The following SLF1 variants were observed in gnomAD, a reference collection of about 807,000 sequenced individuals.
SLF1 encodes the protein SMC5/6 complex localization factor 1, also known as SMC5-SMC6 complex localization factor protein 1.
SLF1 carries 105 observed loss-of-function variants against 123.0 expected under a neutral mutation model. The ratio of observed to expected loss-of-function variants is 0.85; its 90% CI spans 0.73 to 1.00. The LOEUF is 1.00. Ranked by LOEUF, SLF1 falls within the 50% of genes least tolerant of loss-of-function variation. The pLI, the probability that SLF1 is intolerant of heterozygous loss-of-function variation, is 0.00. For synonymous variants in SLF1, 434 were observed against 406.6 expected, an observed-to-expected ratio of 1.07 and a Z score of -0.81; for missense variants, 1,239 against 1,223.0, an observed-to-expected ratio of 1.01 and a Z score of -0.20.
At chr5:94,627,092 T>C (rs1233257694) in intron 1 of SLF1, among the ~76,000 whole-genome samples, 1 of 152,242 alleles carries the variant, frequency 6.6e-6, no homozygotes, top group East Asian at 1.9e-4. Flanking sequence ...ATAGACTCTC[T>C]GTGAAGAACA....
intron 4 of SLF1, 60 bp from the exon 5 acceptor site, chr5:94,643,213 A>G: frequency 7.8e-7 from 1 of 1,285,240 alleles, no homozygotes; most frequent in Non-Finnish European, 1.1e-6. Context: ...TAATTTAGAT[A>G]ATTTGACTAA....
intron 4 of SLF1, among the ~76,000 whole-genome samples, chr5:94,640,670 T>TA (rs201829954): frequency 1.4e-3 from 209 of 152,236 alleles, no homozygotes; most frequent in Non-Finnish European, 7.5e-4. Flanking sequence ...TGTTCTTTTT[T>TA]TAAAAAAAAA....
chr5:94,632,825 T>C (rs1745350000), intron 4 of SLF1, among the ~76,000 whole-genome samples: 1 of 151,872 alleles, frequency 6.6e-6, no homozygotes, highest in South Asian at 2.1e-4. Context: ...CTCAGCCTCC[T>C]GAGTAGCTGG....
At chr5:94,651,584 A>G (rs1747729986) in intron 6 of SLF1, 118 bp from the exon 7 acceptor site, 3 of 686,694 alleles carry the variant, frequency 4.4e-6, no homozygotes, top group Non-Finnish European at 6.8e-6. Flanking sequence ...TTAACCTTGT[A>G]TGTATATTTT....
chr5:94,623,004 T>A (rs1021387506), intron 1 of SLF1, among the ~76,000 whole-genome samples: 3 of 152,328 alleles, frequency 2.0e-5, no homozygotes, highest in South Asian at 2.1e-4. Flanking sequence ...TTTGTATTCA[T>A]ATCTGTATTC....
chr5:94,694,850 G>C lies in SLF1; in HGVS notation c.2715G>C (p.Gln905His). 1.9e-6 allele frequency: 3 copies of C among 1,579,196 alleles called. No homozygotes were observed. Among genetic ancestry groups the C allele is most frequent in the East Asian group, 2.2e-5 (1 of 44,550 alleles). Reference protein sequence around the residue: ...LQHGGPVLLQQRNAKGELPLD... With the variant: ...LQHGGPVLLQHRNAKGELPLD... ...TCACAGGCCCAGTGCTTTTACAACA[G>C]AGGAATGCTAAGGGAGAATTGCCCT... The change falls in exon 21 of 21, where the codon CAG (glutamine) becomes CAC (histidine). Residue 905 changes from glutamine (Q) to histidine (H), a missense_variant. Gln to His is a conservative substitution (Grantham distance 24, BLOSUM62 0). Transcript: ENST00000265140.
chr5:94,674,742 T>C (rs956798988), intron 14 of SLF1, among the ~76,000 whole-genome samples: 1 of 152,216 alleles, frequency 6.6e-6, no homozygotes, highest in Non-Finnish European at 1.5e-5. Context: ...GTGAATTTCA[T>C]TGTCATTAAT....
At chr5:94,631,044 A>T (rs10052066) in intron 4 of SLF1, among the ~76,000 whole-genome samples, 82,288 of 151,984 alleles carry the variant, frequency 0.54, 22,486 homozygotes, top group African/African-American at 0.62. Flanking sequence ...GTTTCTAGTT[A>T]TGAAGCACTT....
intron 4 of SLF1, 21 bp from the exon 5 acceptor site, chr5:94,643,252 A>G (rs1746650277): frequency 6.7e-7 from 1 of 1,482,000 alleles, no homozygotes; most frequent in Admixed American, 2.6e-5. Flanking sequence ...ATACTTTTAT[A>G]CCATTTACAT....
intron 14 of SLF1, among the ~76,000 whole-genome samples, chr5:94,672,939 A>G (rs1750634562): frequency 6.6e-6 from 1 of 152,204 alleles, no homozygotes; most frequent in Admixed American, 6.5e-5. Context: ...TCCCCCAGAA[A>G]GAATTTCTGT....
Position 94,630,671 on chromosome 5 carries a change from C to T in SLF1, c.359C>T (p.Ala120Val). ...CGTGAAGAACTGAAACGCACTGGTGCTCCAGGAGCCTTCCACAGATGGAAA... is the reference window on the plus strand; with the variant it reads ...CGTGAAGAACTGAAACGCACTGGTGTTCCAGGAGCCTTCCACAGATGGAAA... The part of the protein sequence containing the change: ...RWREELKRTG[A>V]PGAFHRWKVV... The change falls in exon 4 of 21, where the codon GCT becomes GTT. Residue 120 changes from alanine (A) to valine (V), a missense_variant. Coordinates refer to ENST00000265140, the MANE Select transcript of SLF1 (RefSeq NM_032290.4). 1 of 1,551,722 alleles carries T rather than the reference C, an allele frequency of 6.4e-7. No individual in the cohort carries two copies. Among genetic ancestry groups the T allele is most frequent in the Non-Finnish European group, 8.7e-7 (1 of 1,146,996 alleles).
chr5:94,624,330 T>A (rs1302524012), intron 1 of SLF1, among the ~76,000 whole-genome samples: 1 of 152,212 alleles, frequency 6.6e-6, no homozygotes, highest in Non-Finnish European at 1.5e-5. Context: ...TATTATGCAG[T>A]TAGTCCTATT....
chr5:94,666,882 T>C (rs1421080975), intron 12 of SLF1, among the ~76,000 whole-genome samples: 1 of 151,842 alleles, frequency 6.6e-6, no homozygotes, highest in Non-Finnish European at 1.5e-5. Context: ...TGGCCTCAAG[T>C]GATCTGCCTG....
chr5:94,637,314 A>G (rs936064073), intron 4 of SLF1, among the ~76,000 whole-genome samples: 2 of 152,054 alleles, frequency 1.3e-5, no homozygotes, highest in Admixed American at 6.5e-5. Context: ...GTTACTCTGT[A>G]TGGCTGGGCT....
intron 14 of SLF1, among the ~76,000 whole-genome samples, chr5:94,677,694 G>C (rs1751248667): frequency 6.6e-6 from 1 of 152,018 alleles, no homozygotes; most frequent in Admixed American, 6.6e-5. Context: ...AAGAATTTCA[G>C]CTGGTTTTAA....
chr5:94,675,455 T>C (rs1049794530), intron 14 of SLF1, among the ~76,000 whole-genome samples: 4 of 152,216 alleles, frequency 2.6e-5, no homozygotes, highest in African/African-American at 9.6e-5. Flanking sequence ...TACTATTTTC[T>C]TACTAATCTA....
At chr5:94,639,726 A>G (rs1045065397) in intron 4 of SLF1, among the ~76,000 whole-genome samples, 6 of 152,206 alleles carry the variant, frequency 3.9e-5, no homozygotes, top group African/African-American at 1.2e-4. Context: ...GAGAAAATAT[A>G]TTTACTATTC....
chr5:94,670,064 C>G, intron 12 of SLF1, 87 bp from the exon 13 acceptor site: 1 of 1,232,794 alleles, frequency 8.1e-7, no homozygotes, highest in Non-Finnish European at 1.1e-6. Context: ...AAAATTCCAG[C>G]AGTATTCTAG....
At chr5:94,662,764 C>T (rs997382495) in intron 10 of SLF1, among the ~76,000 whole-genome samples, 1 of 151,900 alleles carries the variant, frequency 6.6e-6, no homozygotes, top group Non-Finnish European at 1.5e-5. Flanking sequence ...ACCTACAATA[C>T]ATATATCCAG....
Sources: allele counts gnomAD v4.1 joint callset (sites outside exome capture counted in the v4.1 genomes callset), GRCh38; gene constraint gnomAD v4.1.1; transcripts MANE v1.5; gene names NCBI Gene and HGNC (gene_info 2026-07-23, HGNC 2026-07-21).